Variants in DAB1 observed in about 807,000 individuals in gnomAD.
The protein encoded by DAB1 is disabled homolog 1.
In DAB1, 15 loss-of-function variants were observed where a neutral mutation model predicts 64.6. The observed-to-expected ratio is 0.23, with a 90% CI of 0.16 to 0.36. The LOEUF (loss-of-function observed/expected upper bound fraction) is 0.36, where lower values mean the gene tolerates loss of function less well. Among genes scored for constraint, DAB1 ranks in the 10% least tolerant of loss-of-function variants. The probability of loss-of-function intolerance (pLI) is 1.00; values close to 1 mark genes in which losing one functional copy is unlikely to be tolerated. For missense variants in DAB1, 596 were observed against 706.7 expected (o/e 0.84, Z 1.78); for synonymous variants, 235 against 251.9 (o/e 0.93, Z 0.64).
intron 2 of DAB1, among the ~76,000 whole-genome samples, chr1:57,278,388 C>T (rs1484566374): frequency 2.0e-5 from 3 of 152,208 alleles, no homozygotes; most frequent in African/African-American, 4.8e-5. Context: ...TACTTCTCTT[C>T]CTCCCAGCTT....
chr1:57,329,633 C>T (rs1676477144), intron 1 of DAB1, among the ~76,000 whole-genome samples: 1 of 145,940 alleles, frequency 6.9e-6, no homozygotes, highest in South Asian at 2.2e-4. Context: ...CCAGAATGTT[C>T]CAGGATGGTC....
intron 2 of DAB1, among the ~76,000 whole-genome samples, chr1:57,274,547 A>C (rs2100604045): frequency 6.6e-6 from 1 of 152,326 alleles, no homozygotes; most frequent in South Asian, 2.1e-4. Context: ...AGATTAACTG[A>C]AATAACATTA....
intron 2 of DAB1, among the ~76,000 whole-genome samples, chr1:57,151,572 A>G (rs545834642): frequency 3.3e-5 from 5 of 152,242 alleles, no homozygotes; most frequent in African/African-American, 1.2e-4. Flanking sequence ...ATCACTAGAG[A>G]ACAGCAATGT....
chr1:58,050,204 G>A (rs1461871398), intron 5 of DAB1, among the ~76,000 whole-genome samples: 1 of 152,184 alleles, frequency 6.6e-6, no homozygotes, highest in Non-Finnish European at 1.5e-5. Context: ...AAAGCAATGA[G>A]TCTGAAATTT....
rs547851012 is a variant in DAB1, at chr1:57,451,913, G to A, written n.626-160747C>T. On this transcript the variant is annotated intron_variant and non_coding_transcript_variant, in intron 7 of 20. Coordinates refer to the DAB1 transcript ENST00000485760. ...GTTTTGCAGGCTAAAGCTGAGGCTT[G>A]TACCAGTAAGGTTCCTTTATAACCT... Among the ~76,000 whole-genome samples, 50 of 152,188 alleles carry A rather than the reference G, an allele frequency of 3.3e-4. No homozygotes were observed. The South Asian group carries it at 6.0e-3, about 18-fold the overall frequency.
chr1:57,426,071 T>G (rs542226207), upstream of DAB1, among the ~76,000 whole-genome samples: 7 of 152,342 alleles, frequency 4.6e-5, no homozygotes, highest in African/African-American at 1.7e-4. Flanking sequence ...TCTCATTGAC[T>G]GCCAAAAACA....
rs75847722 is a variant in DAB1 at position 58,256,900 on chromosome 1, C to A, written n.309+86452G>T. ...AACTCCTATAAAAATTATGGTCAGG[C>A]AATTAATTTGACACTCATATGCTGA... On this transcript the variant is annotated intron_variant and non_coding_transcript_variant, in intron 4 of 20. Coordinates refer to the DAB1 transcript ENST00000485760. Among the ~76,000 whole-genome samples, 73 of 152,282 alleles carry A rather than the reference C, an allele frequency of 4.8e-4. 1 individual carries two copies. The East Asian group carries it at 0.014, about 28-fold the overall frequency.
chr1:58,086,492 T>C (rs1045822273), intron 5 of DAB1, among the ~76,000 whole-genome samples: 5 of 152,168 alleles, frequency 3.3e-5, no homozygotes, highest in Admixed American at 2.0e-4. Context: ...CCAGTATTAG[T>C]GTAAGGCGCT....
chr1:58,436,143 G>A (rs962564501), intron 3 of DAB1, among the ~76,000 whole-genome samples: 12 of 152,314 alleles, frequency 7.9e-5, no homozygotes, highest in East Asian at 3.9e-4. Flanking sequence ...CTCTGTGATC[G>A]CAGGCAAGTC....
intron 7 of DAB1, among the ~76,000 whole-genome samples, chr1:57,641,376 T>C (rs1646125818): frequency 8.7e-6 from 1 of 114,720 alleles, no homozygotes; most frequent in African/African-American, 3.3e-5. Flanking sequence ...CTTTTTTTTG[T>C]TGGTTTTTTT....
intron 4 of DAB1, among the ~76,000 whole-genome samples, chr1:57,113,430 T>C (rs947688583): frequency 5.9e-5 from 9 of 152,122 alleles, no homozygotes; most frequent in African/African-American, 2.2e-4. Flanking sequence ...AAATTCTAGA[T>C]TAGGGGTTGG....
At chr1:57,041,585 T>C (rs953126461) in intron 9 of DAB1, among the ~76,000 whole-genome samples, 4 of 152,210 alleles carry the variant, frequency 2.6e-5, no homozygotes, top group Non-Finnish European at 4.4e-5. Flanking sequence ...TTTTTCTTTG[T>C]TGTAACATTA....
intron 1 of DAB1, among the ~76,000 whole-genome samples, chr1:57,879,723 T>G (rs1488702058): frequency 1.3e-5 from 2 of 152,152 alleles, no homozygotes; most frequent in Non-Finnish European, 2.9e-5. Flanking sequence ...TGACTCCACC[T>G]GGCTGACACC....
At chr1:58,444,209 T>A (rs1338479556) in intron 3 of DAB1, among the ~76,000 whole-genome samples, 2 of 152,206 alleles carry the variant, frequency 1.3e-5, no homozygotes, top group African/African-American at 4.8e-5. Context: ...GGAACCTTGG[T>A]ATGCACTGTC....
intron 4 of DAB1, among the ~76,000 whole-genome samples, chr1:58,207,764 A>G: frequency 6.6e-6 from 1 of 152,260 alleles, no homozygotes; most frequent in Non-Finnish European, 1.5e-5. Context: ...ACTAATATTA[A>G]TATCTGTCCT....
chr1:58,360,413 C>T (rs1286781352), intron 3 of DAB1, among the ~76,000 whole-genome samples: 1 of 152,146 alleles, frequency 6.6e-6, no homozygotes, highest in African/African-American at 2.4e-5. Flanking sequence ...AGCCATAAAG[C>T]ACCATCTCTG....
chr1:57,304,986 G>C (rs1199235051), intron 1 of DAB1, among the ~76,000 whole-genome samples: 12 of 152,160 alleles, frequency 7.9e-5, no homozygotes, highest in Admixed American at 7.9e-4. Context: ...ACAGACCCCA[G>C]AGCACACCTT....
intron 5 of DAB1, chr1:58,074,564 G>GTGTATATATATATATA (rs1332531604): frequency 7.6e-5 from 7 of 91,640 alleles, no homozygotes; most frequent in African/African-American, 2.2e-4. Context: ...ATATATGTGT[G>GTGTATATATATATATA]TATATATATA....
chr1:58,495,808 CAAG>C (rs1645790840), intron 3 of DAB1, among the ~76,000 whole-genome samples: 1 of 151,992 alleles, frequency 6.6e-6, no homozygotes, highest in Non-Finnish European at 1.5e-5. Context: ...CCTCCAACAG[CAAG>C]AAGTATAAGA....
Sources: gnomAD v4.1 joint callset for allele counts (sites outside exome capture counted in the v4.1 genomes callset) on GRCh38, gnomAD v4.1.1 for gene constraint, MANE v1.5 for transcripts, NCBI Gene and HGNC (gene_info 2026-07-23, HGNC 2026-07-21) for gene names.